CHCHD6: variants seen among roughly 807,000 people sequenced by gnomAD.
CHCHD6 encodes the protein coiled-coil-helix-coiled-coil-helix domain containing 6.
Under a neutral mutation model 32.3 loss-of-function variants are expected in CHCHD6, and 28 were observed. The observed-to-expected ratio is 0.87, with a 90% CI of 0.64 to 1.19. CHCHD6 has a LOEUF of 1.19. Ranked by LOEUF, CHCHD6 falls within the 50% of genes most tolerant of loss-of-function variation. The probability of loss-of-function intolerance (pLI) is 0.00; values close to 1 mark genes in which losing one functional copy is unlikely to be tolerated. For missense variants in CHCHD6, 333 were observed against 307.0 expected (o/e 1.08, Z -0.63); for synonymous variants, 122 against 117.5 (o/e 1.04, Z -0.25).
At chr3:126,733,255 G>C in intron 4 of CHCHD6, 33 bp downstream of exon 4, 1 of 1,599,218 alleles carries the variant, frequency 6.3e-7, no homozygotes, top group Non-Finnish European at 8.5e-7. Context: ...CTGGCCTTCT[G>C]AGCTGGGCAG....
intron 5 of CHCHD6, among the ~76,000 whole-genome samples, chr3:126,888,409 A>T (rs1211450432): frequency 6.6e-6 from 1 of 152,256 alleles, no homozygotes; most frequent in Admixed American, 6.5e-5. Flanking sequence ...CTAAGGCACA[A>T]TGAAGAATTC....
intron 4 of CHCHD6, among the ~76,000 whole-genome samples, chr3:126,804,748 A>T (rs1453832510): frequency 6.6e-6 from 1 of 152,210 alleles, no homozygotes; most frequent in Non-Finnish European, 1.5e-5. Flanking sequence ...CACAACAAAA[A>T]AAAGAGAATT....
At chr3:126,707,144 G>A (rs1471604225) in intron 1 of CHCHD6, among the ~76,000 whole-genome samples, 2 of 151,934 alleles carry the variant, frequency 1.3e-5, no homozygotes, top group Non-Finnish European at 2.9e-5. Flanking sequence ...GCACACACCT[G>A]TACACCCAGC....
rs1938976358 is a variant in CHCHD6 at position 126,799,752 on chromosome 3, CAG to C, written c.412-52893_412-52892del. 2.6e-5 allele frequency among the ~76,000 whole-genome samples: 4 copies of C among 152,160 alleles called. No individual in the cohort carries two copies. In the South Asian group the frequency reaches 8.3e-4, roughly 32 times the overall value. ...GTTGGGGTTAGGTGAGAAAGTCTAA[CAG>C]AACAGCAAAAAGAAGAAAGAAACAC... On this transcript the variant is annotated intron_variant, in intron 4 of 7. Coordinates refer to ENST00000290913, the MANE Select transcript of CHCHD6 (RefSeq NM_032343.3).
chr3:126,834,849 C>A (rs1001874044), intron 4 of CHCHD6, among the ~76,000 whole-genome samples: 1 of 152,016 alleles, frequency 6.6e-6, no homozygotes, highest in Non-Finnish European at 1.5e-5. Context: ...CCTTGACAGT[C>A]GGCAACAGCA....
intron 1 of CHCHD6, among the ~76,000 whole-genome samples, chr3:126,710,164 A>C (rs1402894801): frequency 6.6e-6 from 1 of 152,250 alleles, no homozygotes; most frequent in Admixed American, 6.5e-5. Context: ...TGTTTGCTTC[A>C]TGAGATCTTA....
intron 5 of CHCHD6, among the ~76,000 whole-genome samples, chr3:126,909,086 T>G (rs961088067): frequency 6.6e-6 from 1 of 152,230 alleles, no homozygotes; most frequent in Non-Finnish European, 1.5e-5. Flanking sequence ...CTTAGGCTCC[T>G]TCTCTCCCGT....
intron 5 of CHCHD6, among the ~76,000 whole-genome samples, chr3:126,904,934 G>C (rs1017004497): frequency 3.9e-5 from 6 of 152,186 alleles, no homozygotes; most frequent in Non-Finnish European, 5.9e-5. Context: ...CCTGGTGGAT[G>C]AGGGAAGGAA....
intron 4 of CHCHD6, among the ~76,000 whole-genome samples, chr3:126,747,620 G>GT (rs1362872169): frequency 2.0e-5 from 3 of 152,132 alleles, no homozygotes; most frequent in Non-Finnish European, 4.4e-5. Context: ...ATGGCACTTT[G>GT]TATATCAGAA....
chr3:126,957,640 T>C (rs1301010037), intron 7 of CHCHD6, 89 bp downstream of exon 7: 1 of 1,449,756 alleles, frequency 6.9e-7, no homozygotes, highest in African/African-American at 1.4e-5. Flanking sequence ...CTGCCTGCCT[T>C]TTCCTGTTAG....
At chr3:126,761,682 C>G (rs561840530) in intron 4 of CHCHD6, among the ~76,000 whole-genome samples, 1 of 152,296 alleles carries the variant, frequency 6.6e-6, no homozygotes, top group East Asian at 1.9e-4. Context: ...CTGCCTTGGC[C>G]TCCTAAAGGG....
chr3:126,754,594 T>C (rs1413847220), intron 4 of CHCHD6, among the ~76,000 whole-genome samples: 1 of 152,186 alleles, frequency 6.6e-6, no homozygotes, highest in Non-Finnish European at 1.5e-5. Context: ...TCTTTTCCTC[T>C]CCAAAGCAGG....
chr3:126,859,887 C>T (rs1257322099), intron 5 of CHCHD6, among the ~76,000 whole-genome samples: 1 of 152,184 alleles, frequency 6.6e-6, no homozygotes, highest in Non-Finnish European at 1.5e-5. Flanking sequence ...CTCATGCTGG[C>T]GTGAAGGCCC....
At chr3:126,714,390 C>T (rs932677527) in intron 1 of CHCHD6, among the ~76,000 whole-genome samples, 1 of 152,142 alleles carries the variant, frequency 6.6e-6, no homozygotes, top group Non-Finnish European at 1.5e-5. Context: ...TCTTCTTGTT[C>T]TGCCTTTCTG....
chr3:126,784,147 A>C (rs908020907), intron 4 of CHCHD6, among the ~76,000 whole-genome samples: 63 of 151,912 alleles, frequency 4.1e-4, no homozygotes, highest in African/African-American at 1.5e-3. Flanking sequence ...GCAGGAATCT[A>C]TTTCACACTC....
intron 4 of CHCHD6, among the ~76,000 whole-genome samples, chr3:126,830,847 G>T (rs1055242540): frequency 1.3e-5 from 2 of 152,152 alleles, no homozygotes; most frequent in African/African-American, 4.8e-5. Flanking sequence ...TTGGGGTCCT[G>T]TGGGTGTTGG....
At chr3:126,888,661 G>A (rs1031121771) in intron 5 of CHCHD6, among the ~76,000 whole-genome samples, 1 of 152,214 alleles carries the variant, frequency 6.6e-6, no homozygotes, top group Admixed American at 6.5e-5. Flanking sequence ...CCAGGGACGG[G>A]AGACAGCCCT....
intron 5 of CHCHD6, among the ~76,000 whole-genome samples, chr3:126,861,782 C>T (rs1157561245): frequency 1.6e-5 from 2 of 121,730 alleles, no homozygotes; most frequent in Non-Finnish European, 3.5e-5. Context: ...TCCCCCTCCA[C>T]GACCATCACC....
chr3:126,793,088 T>C (rs1027834460), intron 4 of CHCHD6, among the ~76,000 whole-genome samples: 3 of 152,196 alleles, frequency 2.0e-5, no homozygotes, highest in South Asian at 4.1e-4. Flanking sequence ...ATTCACATAG[T>C]ATATCTTTTT....
Sources: allele counts gnomAD v4.1 joint callset (sites outside exome capture counted in the v4.1 genomes callset), GRCh38; gene constraint gnomAD v4.1.1; transcripts MANE v1.5; gene names NCBI Gene and HGNC (gene_info 2026-07-23, HGNC 2026-07-21).